The following SPAG17 variants were observed in gnomAD, a reference collection of about 807,000 sequenced individuals.
The protein encoded by SPAG17 is sperm-associated antigen 17.
SPAG17 carries 169 observed loss-of-function variants against 273.6 expected under a neutral mutation model. The observed-to-expected ratio is 0.62, with a 90% confidence interval of 0.55 to 0.70. The LOEUF is 0.70. SPAG17 is among the 30% of genes least tolerant of loss of function. The probability of loss-of-function intolerance (pLI) is 0.00; values close to 1 mark genes in which losing one functional copy is unlikely to be tolerated. For missense variants in SPAG17, 2,557 were observed against 2,627.8 expected (o/e 0.97, Z 0.59); for synonymous variants, 825 against 873.2 (o/e 0.94, Z 0.97).
chr1:118,147,045 A>G (rs1659041246), intron 3 of SPAG17, among the ~76,000 whole-genome samples: 3 of 152,064 alleles, frequency 2.0e-5, no homozygotes, highest in Admixed American at 2.0e-4. Flanking sequence ...GAACTTCACT[A>G]TTTTCTGCAT....
intron 3 of SPAG17, among the ~76,000 whole-genome samples, chr1:118,136,966 T>A (rs1658403116): frequency 6.6e-6 from 1 of 152,162 alleles, no homozygotes; most frequent in East Asian, 1.9e-4. Flanking sequence ...AAAGCAGACA[T>A]TTTACTGGGG....
chr1:118,182,718 TTA>T (rs1661005597), intron 1 of SPAG17, among the ~76,000 whole-genome samples: 1 of 152,216 alleles, frequency 6.6e-6, no homozygotes, highest in Non-Finnish European at 1.5e-5. Flanking sequence ...GGTGCACATA[TTA>T]GTCTCCCTAC....
intron 1 of SPAG17, among the ~76,000 whole-genome samples, chr1:118,165,771 A>G (rs572231709): frequency 5.6e-4 from 82 of 146,400 alleles, no homozygotes; most frequent in Non-Finnish European, 3.7e-4. Context: ...TCAGCCTCCC[A>G]AGTAGCTGGA....
At chr1:118,019,157 G>A (rs2101819216) in intron 28 of SPAG17, among the ~76,000 whole-genome samples, 1 of 151,894 alleles carries the variant, frequency 6.6e-6, no homozygotes, top group East Asian at 1.9e-4. Context: ...CAATTCAAGT[G>A]AGAGCCAGAA....
chr1:118,154,074 G>A lies in SPAG17; in HGVS notation c.88-2705C>T, dbSNP rs556862297. On this transcript the variant is annotated intron_variant, in intron 1 of 48. Transcript: ENST00000336338. ...GTCATGGCACAGTACCGAAACTCAC[G>A]GGTCCCTGAAGTCACTCTGAGACAG... Among the ~76,000 whole-genome samples the A allele has an allele frequency of 1.2e-4, 19 of 152,088 alleles. No individual in the cohort carries two copies. The South Asian group carries it at 2.3e-3, about 18-fold the overall frequency.
chr1:118,008,155 C>T lies in SPAG17; in HGVS notation c.4476G>A (p.Arg1492=). The T allele has an allele frequency of 1.9e-6, 3 of 1,613,998 alleles. No individual in the cohort carries two copies. The highest frequency in any genetic ancestry group is 2.5e-6 in the Non-Finnish European group (3 of 1,179,978). The stretch of plus-strand genomic sequence containing the variant: ...CAGTGGCATAGCGTGAGCTTTCTAC[C>T]CGCATACACTTCACCTGCCTGGTGA... ...RTVTRQVKCM[R]VESSRYATVI... The change falls in exon 31 of 49, where the codon CGG becomes CGA. Residue 1492 remains arginine, a synonymous_variant. Transcript: ENST00000336338.
intron 29 of SPAG17, among the ~76,000 whole-genome samples, chr1:118,014,445 C>T (rs1187521104): frequency 6.6e-6 from 1 of 151,756 alleles, no homozygotes; most frequent in African/African-American, 2.4e-5. Flanking sequence ...CCTCAGGGGC[C>T]GAATTAAAGT....
intron 3 of SPAG17, among the ~76,000 whole-genome samples, chr1:118,148,834 G>C (rs533776551): frequency 6.6e-6 from 1 of 152,290 alleles, no homozygotes; most frequent in East Asian, 1.9e-4. Flanking sequence ...CTCTGCAGGG[G>C]TTGCCAGTGA....
chr1:118,038,446 A>G (rs1649343321), intron 23 of SPAG17, among the ~76,000 whole-genome samples: 1 of 152,180 alleles, frequency 6.6e-6, no homozygotes, highest in Non-Finnish European at 1.5e-5. Context: ...TTGAAAACTT[A>G]TGTCCACACA....
chr1:118,145,454 G>T (rs1157812514), intron 3 of SPAG17, among the ~76,000 whole-genome samples: 1 of 152,086 alleles, frequency 6.6e-6, no homozygotes, highest in Admixed American at 6.5e-5. Flanking sequence ...TTACATCTGG[G>T]CATACTAATC....
chr1:118,136,020 G>A (rs573275375), intron 3 of SPAG17, among the ~76,000 whole-genome samples: 1 of 152,214 alleles, frequency 6.6e-6, no homozygotes, highest in South Asian at 2.1e-4. Flanking sequence ...ACCTCTTTGA[G>A]GCTCTTTCCT....
intron 3 of SPAG17, among the ~76,000 whole-genome samples, chr1:118,143,871 GGTCT>G (rs1293323279): frequency 1.3e-5 from 2 of 152,082 alleles, no homozygotes; most frequent in Admixed American, 1.3e-4. Context: ...CCTCCACTGA[GGTCT>G]GTCTTGGAAC....
intron 15 of SPAG17, among the ~76,000 whole-genome samples, chr1:118,080,208 A>C (rs1204635637): frequency 1.3e-5 from 2 of 152,148 alleles, no homozygotes; most frequent in Non-Finnish European, 2.9e-5. Context: ...CTTCACCAGA[A>C]GTGTAGCTTA....
chr1:118,162,048 T>G (rs1220175475), intron 1 of SPAG17, among the ~76,000 whole-genome samples: 1 of 152,138 alleles, frequency 6.6e-6, no homozygotes, highest in African/African-American at 2.4e-5. Flanking sequence ...TTCACATATC[T>G]CCTTCATAAT....
intron 28 of SPAG17, 92 bp from the exon 29 acceptor site, chr1:118,016,274 C>T: frequency 1.1e-6 from 1 of 930,182 alleles, no homozygotes; most frequent in Admixed American, 2.3e-5. Flanking sequence ...GTACAAACTA[C>T]CTCAGATACT....
intron 26 of SPAG17, among the ~76,000 whole-genome samples, chr1:118,027,421 A>G (rs1647879026): frequency 6.6e-6 from 1 of 152,222 alleles, no homozygotes; most frequent in African/African-American, 2.4e-5. Context: ...AATGTGGTAT[A>G]CATAAGGGAA....
intron 1 of SPAG17, among the ~76,000 whole-genome samples, chr1:118,153,710 G>C (rs554715807): frequency 6.6e-6 from 1 of 152,016 alleles, no homozygotes; most frequent in East Asian, 1.9e-4. Context: ...TTAGCCGGGT[G>C]TGGTGGAGGG....
chr1:118,173,826 C>T (rs1276972599), intron 1 of SPAG17, among the ~76,000 whole-genome samples: 1 of 144,626 alleles, frequency 6.9e-6, no homozygotes, highest in Non-Finnish European at 1.5e-5. Context: ...TGCAATTGCA[C>T]TGCAGCCTGG....
At chr1:118,091,391 T>C (rs1271800074) in intron 10 of SPAG17, among the ~76,000 whole-genome samples, 1 of 152,166 alleles carries the variant, frequency 6.6e-6, no homozygotes, top group African/African-American at 2.4e-5. Flanking sequence ...CTTCAGGGAA[T>C]GTTACATAAA....
Sources: gnomAD v4.1 joint callset for allele counts (sites outside exome capture counted in the v4.1 genomes callset) on GRCh38, gnomAD v4.1.1 for gene constraint, MANE v1.5 for transcripts, NCBI Gene and HGNC (gene_info 2026-07-23, HGNC 2026-07-21) for gene names.